The following SH2D3A variants were observed in gnomAD, a reference collection of about 807,000 sequenced individuals.
SH2D3A encodes SH2 domain-containing protein 3A.
SH2D3A carries 46 observed loss-of-function variants against 50.6 expected under a neutral mutation model. That is an observed-to-expected ratio of 0.91 (90% CI 0.72 to 1.16). The LOEUF is 1.16. Among genes scored for constraint, SH2D3A ranks in the 50% most tolerant of loss-of-function variants. The pLI, the probability that SH2D3A is intolerant of heterozygous loss-of-function variation, is 0.00. For missense variants in SH2D3A, 783 were observed against 786.2 expected, an observed-to-expected ratio of 1.00 and a Z score of 0.05; for synonymous variants, 377 against 348.4, an observed-to-expected ratio of 1.08 and a Z score of -0.91.
At chr19:6,757,134 G>A (rs1173807548) in intron 4 of SH2D3A, among the ~76,000 whole-genome samples, 2 of 151,736 alleles carry the variant, frequency 1.3e-5, no homozygotes, top group Non-Finnish European at 2.9e-5. Flanking sequence ...CAAAGTGCTG[G>A]GATTACAGGC....
intron 9 of SH2D3A, 188 bp from the exon 10 acceptor site, chr19:6,752,941 G>A (rs1969403443): frequency 1.0e-6 from 1 of 985,216 alleles, no homozygotes; most frequent in Admixed American, 6.1e-5. Context: ...CAGGAATGGG[G>A]GTGGGGTGCC....
At position 6,754,997 on chromosome 19, in the gene SH2D3A, G is replaced by C; in HGVS notation, c.815C>G (p.Thr272Arg). 1.9e-6 allele frequency: 3 copies of C among 1,613,928 alleles called. No individual in the cohort carries two copies. The highest frequency in any genetic ancestry group is 2.5e-6 in the Non-Finnish European group (3 of 1,179,974). ...EDEEEENRCFTRPQAEISFCP... is the reference protein window; with the variant it reads ...EDEEEENRCFRRPQAEISFCP... ...GAAAGAGATCTCAGCCTGTGGTCTT[G>C]TAAAACATCTATTCTCTTCCTCCTC... Residue 272 changes from threonine (T) to arginine (R), a missense_variant, in exon 5 of 10, where the codon ACA becomes AGA. Coordinates refer to ENST00000245908, the MANE Select transcript of SH2D3A (RefSeq NM_005490.3).
rs1396141938 is a variant in SH2D3A at position 6,755,175 on chromosome 19, G to A, written c.637C>T (p.Pro213Ser). ...GQLQAKAPTKPPRTPSFELPD... is the reference protein window; with the variant it reads ...GQLQAKAPTKSPRTPSFELPD... ...AGTTCGAAGGAGGGTGTCCGGGGGG[G>A]CTTCGTTGGTGCCTTGGCTTGAAGC... Residue 213 changes from proline (P) to serine (S), a missense_variant, in exon 5 of 10, where the codon CCC becomes TCC. Transcript: ENST00000245908. 6.3e-7 allele frequency: 1 copy of A among 1,599,246 alleles called. No individual in the cohort carries two copies. Among genetic ancestry groups the A allele is most frequent in the Non-Finnish European group, 8.5e-7 (1 of 1,170,762 alleles).
chr19:6,760,879 A>G lies in SH2D3A; in HGVS notation c.178T>C (p.Phe60Leu). 1.2e-6 allele frequency: 2 copies of G among 1,614,222 alleles called. No individual in the cohort carries two copies. The highest frequency in any genetic ancestry group is 2.2e-5 in the South Asian group (2 of 91,088). ...CGCAGGGCCACACGGAACACCTCAAAATGGAGGGCTGAGCCCCGCCAGCGG... is the reference window on the plus strand; with the variant it reads ...CGCAGGGCCACACGGAACACCTCAAGATGGAGGGCTGAGCCCCGCCAGCGG... ...SCRWRGSALH[F>L]EVFRVALRPR... The change falls in exon 3 of 10, where the codon TTT becomes CTT. Residue 60 changes from phenylalanine to leucine, a missense_variant. Transcript: ENST00000245908.
rs2145562883 is a variant in SH2D3A, at chr19:6,752,310, T to C, written c.*283A>G. The C allele has an allele frequency of 8.9e-6, 3 of 338,154 alleles. No homozygotes were observed. The highest frequency in any genetic ancestry group is 1.6e-5 in the Non-Finnish European group (3 of 188,160). 20.9% of individuals were successfully genotyped at this position (338,154 alleles called of 1,614,324 possible). ...GAGATTACAGGCCTGAGCTGCTGTATGGCTATGATTTTGTTAAAGGCCGAC... is the reference window on the plus strand; with the variant it reads ...GAGATTACAGGCCTGAGCTGCTGTACGGCTATGATTTTGTTAAAGGCCGAC... On this transcript the variant is annotated 3_prime_UTR_variant, in exon 10 of 10. Coordinates refer to ENST00000245908, the MANE Select transcript of SH2D3A (RefSeq NM_005490.3).
At position 6,760,752 on chromosome 19, in the gene SH2D3A, A is replaced by C; in HGVS notation, c.305T>G (p.Leu102Arg). Residue 102 changes from leucine to arginine, a missense_variant, in exon 3 of 10, where the codon CTG becomes CGG. Transcript: ENST00000245908. ...VHSYMTGRRP[L>R]SQATGAVVSR... Reference sequence around the variant, plus strand: ...GACCACAGCCCCTGTGGCCTGGGACAGTGGGCGCCTGCCTGTCATATAACT... The same window carrying C: ...GACCACAGCCCCTGTGGCCTGGGACCGTGGGCGCCTGCCTGTCATATAACT... 1 of 1,614,084 alleles carries C rather than the reference A, an allele frequency of 6.2e-7. No homozygotes were observed.
chr19:6,759,799 G>A (rs1969905265), intron 3 of SH2D3A, 129 bp from the exon 4 acceptor site: 2 of 833,224 alleles, frequency 2.4e-6, no homozygotes, highest in South Asian at 1.7e-5. Context: ...CCTACGTCCA[G>A]GGGACTCTTA....
Position 6,760,700 on chromosome 19 carries a change from A to G in SH2D3A, c.357T>C (p.Pro119=). 6.2e-7 allele frequency: 1 copy of G among 1,612,962 alleles called. No individual in the cohort carries two copies. The highest frequency in any genetic ancestry group is 1.1e-5 in the South Asian group (1 of 91,014). ...VVSRPVTWQG[P]LRRSFSEDTL... is the part of the protein sequence containing the mutation. ...TGTCCTCGCTAAAGCTGCGTCGCAG[A>G]GGCCCCTGCCAAGTCACAGGCCTGG... is the stretch of plus-strand genomic sequence containing the variant. The change falls in exon 3 of 10, where the codon CCT becomes CCC. Residue 119 remains proline (P), a synonymous_variant. Transcript: ENST00000245908.
intron 2 of SH2D3A, among the ~76,000 whole-genome samples, chr19:6,762,951 A>G (rs1316964212): frequency 6.6e-6 from 1 of 152,062 alleles, no homozygotes; most frequent in East Asian, 1.9e-4. Flanking sequence ...ATGGGATTTT[A>G]ACTATTAAGT....
At position 6,761,063 on chromosome 19, in the gene SH2D3A, T is replaced by C. The variant is rs1032521943; in HGVS notation, c.70-76A>G. On this transcript the variant is annotated intron_variant, in intron 2 of 9. Transcript: ENST00000245908. ...TGGTTAATGGTAGCTCCCCCCACCA[T>C]TGCCCCCACCACCCAAGAAAAGCTA... The C allele has an allele frequency of 5.1e-6, 6 of 1,168,958 alleles. No individual in the cohort carries two copies. The African/African-American group carries it at 6.2e-5, about 12-fold the overall frequency. 72.4% of individuals were successfully genotyped at this position (1,168,958 alleles called of 1,614,324 possible).
intron 1 of SH2D3A, among the ~76,000 whole-genome samples, chr19:6,766,058 T>A (rs990499842): frequency 2.0e-5 from 3 of 152,128 alleles, no homozygotes; most frequent in African/African-American, 7.2e-5. Context: ...AGTCTTCTGG[T>A]GGGGTCTGCA....
Position 6,753,469 on chromosome 19 carries a change from G to C in SH2D3A, c.1557C>G (p.Ala519=). Residue 519 remains alanine (A), a synonymous_variant, in exon 9 of 10, where the codon GCC becomes GCG. Coordinates refer to ENST00000245908, the MANE Select transcript of SH2D3A (RefSeq NM_005490.3). ...RDAPKFRKVA[A]QRLRGFRPNP... ...GGGAACGCTCACCTCGCAGGCGCTGGGCTGCCACCTTGCGGAATTTGGGTG... is the reference window on the plus strand; with the variant it reads ...GGGAACGCTCACCTCGCAGGCGCTGCGCTGCCACCTTGCGGAATTTGGGTG... 6.6e-7 allele frequency: 1 copy of C among 1,517,084 alleles called. No homozygotes were observed. The highest frequency in any genetic ancestry group is 8.9e-7 in the Non-Finnish European group (1 of 1,126,404). The allele number at this position is 1,517,084 out of a possible 1,614,324, so 94.0% of individuals were successfully genotyped here.
rs7258083 is a variant in SH2D3A, at chr19:6,760,997, A to T, written c.70-10T>A. 3.8e-6 allele frequency: 6 copies of T among 1,598,216 alleles called. No individual in the cohort carries two copies. The highest frequency in any genetic ancestry group is 1.1e-5 in the South Asian group (1 of 89,098). On this transcript the variant is annotated splice_polypyrimidine_tract_variant and intron_variant, in intron 2 of 9. Transcript: ENST00000245908. ...GAAGAGCTTCAGCCTTCTGTGGATG[A>T]AGTTCAGGGGGCAGGGGAATTAGGA... is the stretch of plus-strand genomic sequence containing the variant.
At chr19:6,764,438 GACA>G (rs1166519687) in intron 1 of SH2D3A, 4 of 152,084 alleles carry the variant, frequency 2.6e-5, no homozygotes, top group African/African-American at 4.8e-5. Context: ...GGCTGAAGAT[GACA>G]ACATGCCACC....
intron 2 of SH2D3A, chr19:6,761,264 G>C: frequency 2.5e-6 from 1 of 407,886 alleles, no homozygotes; most frequent in East Asian, 4.5e-5. Context: ...GAAATATCCA[G>C]ACCTGGCGCA....
At chr19:6,753,121 G>C (rs1969415977) in intron 9 of SH2D3A, 7 of 985,356 alleles carry the variant, frequency 7.1e-6, no homozygotes, top group African/African-American at 1.7e-5. Context: ...ATAGGACGGA[G>C]GAGTCGTTTT....
rs538989393 is a variant in SH2D3A, at chr19:6,754,134, C to G, written c.1302G>C (p.Gln434His). Residue 434 changes from glutamine (Q) to histidine (H), a missense_variant, in exon 8 of 10, where the codon CAG becomes CAC. Coordinates refer to ENST00000245908, the MANE Select transcript of SH2D3A (RefSeq NM_005490.3). ...QVSRLEHTWR[Q>H]LRRSHTEAAL... is the part of the protein sequence containing the mutation. ...CAGCCTCCGTGTGGCTCCTTCGGAG[C>G]TGGCGCCACGTGTGCTCCAACCGGG... is the stretch of plus-strand genomic sequence containing the variant. 6.2e-7 allele frequency: 1 copy of G among 1,613,416 alleles called. No individual in the cohort carries two copies. Among genetic ancestry groups the G allele is most frequent in the Admixed American group, 1.7e-5 (1 of 59,924 alleles).
Position 6,754,643 on chromosome 19 carries a change from T to C in SH2D3A, c.1070A>G (p.His357Arg). ...GLELLTLPHG[H>R]HLRLELLERH... ...CTCCAGCAGTTCCAACCTCAAGTGG[T>C]GTCCATGGGGAAGAGTGAGCAGCTC... The change falls in exon 6 of 10, where the codon CAC (histidine) becomes CGC (arginine). Residue 357 changes from histidine (H) to arginine (R), a missense_variant. Transcript: ENST00000245908. 6.2e-7 allele frequency: 1 copy of C among 1,614,166 alleles called. No individual in the cohort carries two copies. Among genetic ancestry groups the C allele is most frequent in the Non-Finnish European group, 8.5e-7 (1 of 1,180,010 alleles).
Position 6,754,392 on chromosome 19 carries a change from C to CGCCAGCGCCCCG in SH2D3A, c.1119_1130dup (p.Gly374_Ala377dup). 1 of 1,531,144 alleles carries CGCCAGCGCCCCG rather than the reference C, an allele frequency of 6.5e-7. No individual in the cohort carries two copies. Among genetic ancestry groups the CGCCAGCGCCCCG allele is most frequent in the Non-Finnish European group, 8.7e-7 (1 of 1,150,166 alleles). 94.8% of individuals were successfully genotyped at this position (1,531,144 alleles called of 1,614,324 possible). A position where few individuals can be genotyped will look rare whatever the true frequency, so the allele number is the denominator to read the frequency against. ...CCAGCGGCCCCGAGCAGCCCAGCAC[C>CGCCAGCGCCCCG]GCCAGCGCCCCGGCCAGCGCCAGTG... On this transcript the variant is annotated inframe_insertion, in exon 7 of 10. Transcript: ENST00000245908.
Sources: gnomAD v4.1 joint callset for allele counts (sites outside exome capture counted in the v4.1 genomes callset) on GRCh38, gnomAD v4.1.1 for gene constraint, MANE v1.5 for transcripts, NCBI Gene and HGNC (gene_info 2026-07-23, HGNC 2026-07-21) for gene names.